The following ERCC6L2 variants were observed in gnomAD, a reference collection of about 807,000 sequenced individuals.
ERCC6L2 encodes the protein DNA excision repair protein ERCC-6-like 2.
In ERCC6L2, 77 loss-of-function variants were observed where a neutral mutation model predicts 132.0. The observed-to-expected ratio is 0.58, with a 90% CI of 0.49 to 0.71. The LOEUF (loss-of-function observed/expected upper bound fraction) is 0.71. Ranked by LOEUF, ERCC6L2 falls within the 30% of genes least tolerant of loss-of-function variation. The pLI, the probability that ERCC6L2 is intolerant of heterozygous loss-of-function variation, is 0.00. For missense variants in ERCC6L2, 1,542 were observed against 1,837.6 expected (o/e 0.84, Z 2.94); for synonymous variants, 583 against 632.4 (o/e 0.92, Z 1.17).
rs1254562536 is a variant in ERCC6L2 at position 95,955,044 on chromosome 9, C to A, written c.1848-870C>A. The stretch of plus-strand genomic sequence containing the variant: ...GGCAGTATGGCCTTGCCCCGGTTCC[C>A]CTCAGCAACTGTAACAGGCATTGGG... On this transcript the variant is annotated intron_variant, in intron 12 of 18. Coordinates refer to ENST00000653738, the MANE Select transcript of ERCC6L2 (RefSeq NM_020207.7). 17 of 369,826 alleles carry A rather than the reference C, an allele frequency of 4.6e-5. No homozygotes were observed. The East Asian group carries it at 1.2e-3, about 27-fold the overall frequency. The allele number at this position is 369,826 out of a possible 1,614,324, so 22.9% of individuals were successfully genotyped here. A position where few individuals can be genotyped will look rare whatever the true frequency, so the allele number is the denominator to read the frequency against.
Position 95,907,826 on chromosome 9 carries a change from TACAC to T in ERCC6L2, c.788+582_788+585del, listed in dbSNP as rs373670619. On this transcript the variant is annotated intron_variant, in intron 4 of 18. Coordinates refer to ENST00000653738, the MANE Select transcript of ERCC6L2 (RefSeq NM_020207.7). ...GTTGTGAATATAGAGGGGCAAAAAC[TACAC>T]ACACACACACACACACACACACACA... Among the ~76,000 whole-genome samples the T allele has an allele frequency of 8.7e-3, 354 of 40,894 alleles. 3 individuals carry two copies. Among genetic ancestry groups the T allele is most frequent in the East Asian group, 0.024 (10 of 412 alleles). 26.8% of individuals were successfully genotyped at this position (40,894 alleles called of 152,430 possible). A position where few individuals can be genotyped will look rare whatever the true frequency, so the allele number is the denominator to read the frequency against.
chr9:95,993,962 G>T (rs554637915), intron 17 of ERCC6L2, among the ~76,000 whole-genome samples: 56 of 152,282 alleles, frequency 3.7e-4, no homozygotes, highest in African/African-American at 1.3e-3. Context: ...TGACCAGCTG[G>T]CTTTTCTGCA....
intron 8 of ERCC6L2, among the ~76,000 whole-genome samples, chr9:95,922,878 A>G (rs1829936703): frequency 6.6e-6 from 1 of 152,182 alleles, no homozygotes; most frequent in Non-Finnish European, 1.5e-5. Flanking sequence ...CACATAAATG[A>G]AAAGATGTTT....
Position 95,916,233 on chromosome 9 carries a change from G to A in ERCC6L2, c.957G>A (p.Val319=), listed in dbSNP as rs1444418133. 6.2e-7 allele frequency: 1 copy of A among 1,613,864 alleles called. No individual in the cohort carries two copies. Among genetic ancestry groups the A allele is most frequent in the African/African-American group, 1.3e-5 (1 of 75,028 alleles). ...TCTTATTGTCTTTATAAAGGGCTGTGCCAGGCCTTTTAGGGAGTGGGACCT... is the reference window on the plus strand; with the variant it reads ...TCTTATTGTCTTTATAAAGGGCTGTACCAGGCCTTTTAGGGAGTGGGACCT... ...KELWCVMDWA[V]PGLLGSGTYF... The change falls in exon 6 of 19, where the codon GTG becomes GTA. Residue 319 remains valine, a synonymous_variant. Transcript: ENST00000653738.
intron 19 of ERCC6L2, among the ~76,000 whole-genome samples, chr9:96,033,403 C>T (rs992067465): frequency 2.0e-5 from 3 of 152,138 alleles, no homozygotes; most frequent in African/African-American, 4.8e-5. Flanking sequence ...CGCCACCATG[C>T]CTGGCTAAAT....
chr9:95,933,098 A>G (rs1830410734), intron 11 of ERCC6L2, among the ~76,000 whole-genome samples: 1 of 152,170 alleles, frequency 6.6e-6, no homozygotes, highest in Non-Finnish European at 1.5e-5. Context: ...GAAGATTGCT[A>G]CCTCAACTAG....
At position 95,891,508 on chromosome 9, in the gene ERCC6L2, C is replaced by T. The variant is rs915029646; in HGVS notation, c.472-6341C>T. On this transcript the variant is annotated intron_variant, in intron 2 of 18. Coordinates refer to ENST00000653738, the MANE Select transcript of ERCC6L2 (RefSeq NM_020207.7). The stretch of plus-strand genomic sequence containing the variant: ...CCACTTTTAGTTATTATGAATAATG[C>T]TTCTGTGAACATTTGTATGCAAACA... 4.6e-5 allele frequency among the ~76,000 whole-genome samples: 7 copies of T among 151,642 alleles called. No homozygotes were observed. The East Asian group carries it at 1.4e-3, about 29-fold the overall frequency.
At chr9:95,973,612 A>G (rs1832530512) in intron 16 of ERCC6L2, among the ~76,000 whole-genome samples, 2 of 152,078 alleles carry the variant, frequency 1.3e-5, no homozygotes, top group African/African-American at 4.8e-5. Flanking sequence ...TTATAACACC[A>G]TCAGATCTCA....
At chr9:95,994,101 C>T (rs1332913237) in intron 17 of ERCC6L2, among the ~76,000 whole-genome samples, 1 of 152,158 alleles carries the variant, frequency 6.6e-6, no homozygotes, top group Admixed American at 6.5e-5. Context: ...TGAGGATTTT[C>T]ATACTTAAGC....
At chr9:96,011,261 A>G (rs1369830787) in intron 18 of ERCC6L2, among the ~76,000 whole-genome samples, 1 of 152,236 alleles carries the variant, frequency 6.6e-6, no homozygotes, top group Non-Finnish European at 1.5e-5. Flanking sequence ...GTATCCTTAC[A>G]TGGCAGAGAG....
chr9:96,031,357 C>T (rs1834458682), intron 19 of ERCC6L2, among the ~76,000 whole-genome samples: 1 of 152,172 alleles, frequency 6.6e-6, no homozygotes, highest in African/African-American at 2.4e-5. Context: ...AAGGAGGTGA[C>T]ACTTCAGCCA....
downstream of ERCC6L2, chr9:96,021,186 G>C: frequency 2.8e-6 from 1 of 354,364 alleles, no homozygotes; most frequent in South Asian, 2.1e-5. The surrounding 1 kb of genome is among the most constrained non-coding windows in gnomAD (Gnocchi z 4.7). Flanking sequence ...TTCGCCTGGT[G>C]TCAGCGCGTT....
chr9:95,910,539 T>C (rs1829294236), intron 4 of ERCC6L2, among the ~76,000 whole-genome samples: 1 of 152,350 alleles, frequency 6.6e-6, no homozygotes, highest in Non-Finnish European at 1.5e-5. Flanking sequence ...CTGAGTCTTA[T>C]GCTTACTGCA....
chr9:96,036,835 C>T (rs1426612740), intron 19 of ERCC6L2, among the ~76,000 whole-genome samples: 27 of 146,474 alleles, frequency 1.8e-4, no homozygotes, highest in Non-Finnish European at 3.3e-4. Context: ...GGCGGGATCT[C>T]GGCTCACTGC....
intron 17 of ERCC6L2, among the ~76,000 whole-genome samples, chr9:95,997,717 TC>T (rs1402311532): frequency 1.3e-5 from 2 of 152,256 alleles, no homozygotes; most frequent in African/African-American, 4.8e-5. Context: ...TTTTACTGAA[TC>T]TTTTATTACT....
intron 19 of ERCC6L2, among the ~76,000 whole-genome samples, chr9:96,029,166 T>A (rs1229116627): frequency 6.6e-6 from 1 of 151,512 alleles, no homozygotes; most frequent in East Asian, 1.9e-4. Flanking sequence ...TAGCCGGGCG[T>A]GGTGGCACGT....
At position 95,876,088 on chromosome 9, in the gene ERCC6L2, C is replaced by T; in HGVS notation, c.46+4C>T. 2 of 1,570,616 alleles carry T rather than the reference C, an allele frequency of 1.3e-6. No homozygotes were observed. The highest frequency in any genetic ancestry group is 1.8e-5 in the Admixed American group (1 of 54,172). Reference sequence around the variant, plus strand: ...CGCGCGGAAACCTCAGGCAAAGGTACCAGCTCCGCGCTCGCCCCTTACGCA... The same window carrying T: ...CGCGCGGAAACCTCAGGCAAAGGTATCAGCTCCGCGCTCGCCCCTTACGCA... On this transcript the variant is annotated splice_donor_region_variant and intron_variant, in intron 1 of 18. Coordinates refer to ENST00000653738, the MANE Select transcript of ERCC6L2 (RefSeq NM_020207.7).
In ERCC6L2 at chr9:95,989,667, AAG is replaced by A. The variant is rs577847806; in HGVS notation, c.3492+11456_3492+11457del. On this transcript the variant is annotated intron_variant, in intron 17 of 18. Coordinates refer to ENST00000653738, the MANE Select transcript of ERCC6L2 (RefSeq NM_020207.7). Reference sequence around the variant, plus strand: ...TAGTACAGGGGGCCCTACCTGTTCAAAGAGAACCTCTAGTTTCATTATATTTC... The same window carrying A: ...TAGTACAGGGGGCCCTACCTGTTCAAAGAACCTCTAGTTTCATTATATTTC... Among the ~76,000 whole-genome samples, 76 of 152,336 alleles carry A rather than the reference AAG, an allele frequency of 5.0e-4. 1 individual carries two copies. In the South Asian group the frequency reaches 0.015, roughly 30 times the overall value.
intron 3 of ERCC6L2, among the ~76,000 whole-genome samples, chr9:95,903,799 C>G (rs753804388): frequency 1.3e-5 from 2 of 151,902 alleles, no homozygotes; most frequent in Non-Finnish European, 2.9e-5. Flanking sequence ...TAAATTATAC[C>G]TTTACAGAAA....
Sources: allele counts gnomAD v4.1 joint callset (sites outside exome capture counted in the v4.1 genomes callset), GRCh38; gene constraint gnomAD v4.1.1; non-coding constraint Gnocchi (gnomAD v3.1); transcripts MANE v1.5; gene names NCBI Gene and HGNC (gene_info 2026-07-23, HGNC 2026-07-21).